SLC2A9: variants seen among roughly 807,000 people sequenced by gnomAD.
The protein encoded by SLC2A9 is solute carrier family 2 member 9.
In SLC2A9, 39 loss-of-function variants were observed where a neutral mutation model predicts 50.6. That is an observed-to-expected ratio of 0.77 (90% CI 0.60 to 1.01). The LOEUF (loss-of-function observed/expected upper bound fraction) is 1.01. Among genes scored for constraint, SLC2A9 ranks in the 50% least tolerant of loss-of-function variants. The probability of loss-of-function intolerance (pLI) is 0.00; values close to 1 mark genes in which losing one functional copy is unlikely to be tolerated. For synonymous variants in SLC2A9, 324 were observed against 276.9 expected, an observed-to-expected ratio of 1.17 and a Z score of -1.69; for missense variants, 686 against 677.6, an observed-to-expected ratio of 1.01 and a Z score of -0.14.
At chr4:10,002,173 A>C (rs1759952915) in intron 2 of SLC2A9, among the ~76,000 whole-genome samples, 1 of 152,222 alleles carries the variant, frequency 6.6e-6, no homozygotes, top group African/African-American at 2.4e-5. Flanking sequence ...GGAGTGATTT[A>C]GGGTAGTATC....
intron 3 of SLC2A9, among the ~76,000 whole-genome samples, chr4:9,991,552 G>A (rs1314500035): frequency 6.6e-6 from 1 of 152,184 alleles, no homozygotes; most frequent in Admixed American, 6.5e-5. Flanking sequence ...AAGCTGAGCT[G>A]AGAGGTGGAG....
chr4:9,908,203 G>T, intron 8 of SLC2A9, 32 bp downstream of exon 8: 1 of 1,438,420 alleles, frequency 7.0e-7, no homozygotes, highest in Non-Finnish European at 9.8e-7. Flanking sequence ...ACCCCCTGTG[G>T]CATTCTCAGG....
chr4:9,799,707 A>T (rs1480776650), intron 3 of SLC2A9, among the ~76,000 whole-genome samples: 1 of 12,500 alleles, frequency 8.0e-5, no homozygotes, highest in African/African-American at 2.8e-4. Flanking sequence ...CCCCCCACCC[A>T]ACTTCTACAC....
chr4:9,782,914 C>G, intron 3 of SLC2A9: 4 of 1,613,994 alleles, frequency 2.5e-6, no homozygotes, highest in Non-Finnish European at 3.4e-6. Context: ...CCAAGGTTCT[C>G]AAGACCCTGT....
intron 1 of SLC2A9, chr4:9,771,449 T>C (rs967908894): frequency 1.3e-5 from 5 of 398,730 alleles, no homozygotes; most frequent in African/African-American, 2.1e-5. Flanking sequence ...TCTGCTCACA[T>C]TCCTGTTTTC....
At position 9,956,039 on chromosome 4, in the gene SLC2A9, G is replaced by A. The variant is rs1242102592; in HGVS notation, c.682-13994C>T. On this transcript the variant is annotated intron_variant, in intron 5 of 11. Coordinates refer to ENST00000264784, the MANE Select transcript of SLC2A9 (RefSeq NM_020041.3). ...ATTACAGGCACCCACCACCATGCCCGGCTAATTTTTCGTATTTTTAGTACA... is the reference window on the plus strand; with the variant it reads ...ATTACAGGCACCCACCACCATGCCCAGCTAATTTTTCGTATTTTTAGTACA... Among the ~76,000 whole-genome samples, 6 of 151,634 alleles carry A rather than the reference G, an allele frequency of 4.0e-5. No homozygotes were observed. In the South Asian group the frequency reaches 6.3e-4, roughly 16 times the overall value.
At chr4:9,971,233 T>C (rs1036379919) in intron 5 of SLC2A9, among the ~76,000 whole-genome samples, 5 of 152,192 alleles carry the variant, frequency 3.3e-5, no homozygotes, top group Non-Finnish European at 7.3e-5. Flanking sequence ...TTTAATTAAT[T>C]TAATTTATTT....
intron 3 of SLC2A9, among the ~76,000 whole-genome samples, chr4:9,817,140 G>A (rs1430689607): frequency 6.6e-6 from 1 of 151,978 alleles, no homozygotes; most frequent in Non-Finnish European, 1.5e-5. Context: ...CCTTTTATAA[G>A]GACCTTTGTG....
intron 6 of SLC2A9, among the ~76,000 whole-genome samples, chr4:9,936,753 G>A (rs968501976): frequency 6.6e-6 from 1 of 152,134 alleles, no homozygotes; most frequent in Non-Finnish European, 1.5e-5. Context: ...ACAGGGAGAG[G>A]AAAGAGGAGG....
chr4:9,948,500 C>A (rs1749613651), intron 5 of SLC2A9, among the ~76,000 whole-genome samples: 1 of 152,212 alleles, frequency 6.6e-6, no homozygotes, highest in African/African-American at 2.4e-5. Context: ...CTTATAGCTG[C>A]TGGGAGCATT....
intron 3 of SLC2A9, among the ~76,000 whole-genome samples, chr4:9,807,854 C>A (rs1006240173): frequency 6.6e-6 from 1 of 152,136 alleles, no homozygotes; most frequent in African/African-American, 2.4e-5. Context: ...ACTCTCAGGG[C>A]CCTAGAATGG....
intron 6 of SLC2A9, among the ~76,000 whole-genome samples, chr4:9,933,303 G>C (rs1378944511): frequency 6.6e-6 from 1 of 152,204 alleles, no homozygotes; most frequent in Non-Finnish European, 1.5e-5. Flanking sequence ...ATTTTGCAGA[G>C]AGGTGAGCAC....
chr4:9,892,437 A>G (rs1737669559), intron 8 of SLC2A9, among the ~76,000 whole-genome samples: 1 of 152,136 alleles, frequency 6.6e-6, no homozygotes, highest in Non-Finnish European at 1.5e-5. Context: ...AAGCCTTTAA[A>G]CTTGGCCTCC....
chr4:9,915,463 C>A (rs375105201), intron 7 of SLC2A9, among the ~76,000 whole-genome samples: 5 of 152,120 alleles, frequency 3.3e-5, no homozygotes, highest in African/African-American at 1.2e-4. Flanking sequence ...CTTGAACTCC[C>A]GACCTCAAGT....
intron 4 of SLC2A9, among the ~76,000 whole-genome samples, chr4:9,982,533 A>T (rs576011729): frequency 1.3e-5 from 2 of 152,270 alleles, no homozygotes; most frequent in African/African-American, 2.4e-5. Flanking sequence ...GGAAATTCAG[A>T]GATCAATTAG....
At chr4:10,000,372 G>C (rs1366892487) in intron 2 of SLC2A9, among the ~76,000 whole-genome samples, 1 of 152,126 alleles carries the variant, frequency 6.6e-6, no homozygotes, top group African/African-American at 2.4e-5. Flanking sequence ...ATCATTTAAG[G>C]ATGCTCTTGG....
chr4:9,874,568 C>T (rs1250155509), intron 10 of SLC2A9, among the ~76,000 whole-genome samples: 1 of 152,174 alleles, frequency 6.6e-6, no homozygotes. Flanking sequence ...ATCTGGAGAA[C>T]GGAGTGCACA....
intron 9 of SLC2A9, among the ~76,000 whole-genome samples, chr4:9,890,171 A>G (rs945415100): frequency 6.6e-6 from 1 of 152,220 alleles, no homozygotes; most frequent in Non-Finnish European, 1.5e-5. Context: ...GGGTCCACAC[A>G]GGCTGTCTGG....
At chr4:9,909,323 T>C (rs148746576) in intron 7 of SLC2A9, among the ~76,000 whole-genome samples, 244 of 152,306 alleles carry the variant, frequency 1.6e-3, no homozygotes, top group African/African-American at 5.8e-3. Context: ...CACACTTACA[T>C]TGAGTGTGTC....
Sources: allele counts gnomAD v4.1 joint callset (sites outside exome capture counted in the v4.1 genomes callset), GRCh38; gene constraint gnomAD v4.1.1; transcripts MANE v1.5; gene names NCBI Gene and HGNC (gene_info 2026-07-23, HGNC 2026-07-21).